Variants in AGBL5 observed in about 807,000 individuals in gnomAD.
AGBL5 encodes the protein AGBL carboxypeptidase 5.
In AGBL5, 51 loss-of-function variants were observed where a neutral mutation model predicts 88.0. The ratio of observed to expected loss-of-function variants is 0.58; its 90% CI spans 0.46 to 0.73. The LOEUF (loss-of-function observed/expected upper bound fraction) is 0.73, where lower values mean the gene tolerates loss of function less well. Among genes scored for constraint, AGBL5 ranks in the 30% least tolerant of loss-of-function variants. The probability of loss-of-function intolerance (pLI) is 0.00; values close to 1 mark genes in which losing one functional copy is unlikely to be tolerated. For synonymous variants in AGBL5, 446 were observed against 438.8 expected, an observed-to-expected ratio of 1.02 and a Z score of -0.21; for missense variants, 1,031 against 1,162.2, an observed-to-expected ratio of 0.89 and a Z score of 1.64.
chr2:27,057,323 A>G lies in AGBL5; in HGVS notation c.1556A>G (p.Tyr519Cys). ...CTTAGCTACACACTTGAATGCAACT[A>G]CAACACTGGACGCTCAGTAAACAGC... The part of the protein sequence containing the change: ...IIHSYTLECN[Y>C]NTGRSVNSIP... The change falls in exon 9 of 15, where the codon TAC becomes TGC. Residue 519 changes from tyrosine to cysteine, a missense_variant. Tyr to Cys is a radical substitution (Grantham distance 194). Transcript: ENST00000360131. 1 of 1,613,810 alleles carries G rather than the reference A, an allele frequency of 6.2e-7. No individual in the cohort carries two copies. The highest frequency in any genetic ancestry group is 8.5e-7 in the Non-Finnish European group (1 of 1,179,874).
chr2:27,067,904 C>A, intron 12 of AGBL5: 3 of 531,194 alleles, frequency 5.6e-6, no homozygotes, highest in South Asian at 4.1e-5. Context: ...AGTTGAGGAA[C>A]CTGAAGACTT....
chr2:27,055,827 C>T lies in AGBL5; in HGVS notation c.1054C>T (p.Pro352Ser). 6.2e-7 allele frequency: 1 copy of T among 1,614,180 alleles called. No individual in the cohort carries two copies. The highest frequency in any genetic ancestry group is 8.5e-7 in the Non-Finnish European group (1 of 1,180,034). Reference protein sequence around the residue: ...LNSQSSSEHQPSSCLPPDAPV... With the variant: ...LNSQSSSEHQSSSCLPPDAPV... ...CTCCCAGAGTTCCTCTGAGCACCAG[C>T]CCAGTTCCTGTCTCCCTCCTGATGC... Residue 352 changes from proline (P) to serine (S), a missense_variant, in exon 7 of 15, where the codon CCC becomes TCC. Pro to Ser is a moderately conservative substitution (Grantham distance 74). Coordinates refer to ENST00000360131, the MANE Select transcript of AGBL5 (RefSeq NM_021831.6).
chr2:27,064,939 G>A (rs71441056), intron 11 of AGBL5, among the ~76,000 whole-genome samples: 1 of 151,412 alleles, frequency 6.6e-6, no homozygotes, highest in African/African-American at 2.4e-5. Context: ...ATTTTTAGTA[G>A]AAACGGGGTT....
chr2:27,059,468 A>T, intron 11 of AGBL5, 64 bp downstream of exon 11: 1 of 1,603,360 alleles, frequency 6.2e-7, no homozygotes, highest in African/African-American at 1.3e-5. Flanking sequence ...TGGGGGAAGT[A>T]AGAGCTTGAA....
intron 11 of AGBL5, chr2:27,063,015 C>G (rs1180464045): frequency 6.6e-6 from 1 of 152,244 alleles, no homozygotes; most frequent in Non-Finnish European, 1.5e-5. Flanking sequence ...TGTCTGTGAA[C>G]TGTACATATT....
At chr2:27,067,443 A>G in intron 11 of AGBL5, 51 bp from the exon 12 acceptor site, 1 of 1,585,608 alleles carries the variant, frequency 6.3e-7, no homozygotes, top group Non-Finnish European at 8.6e-7. Flanking sequence ...AGGCTGCCTC[A>G]TAGTGCCCCA....
upstream of AGBL5, chr2:27,051,560 C>T (rs987750849): frequency 1.1e-4 from 17 of 152,320 alleles, no homozygotes; most frequent in South Asian, 4.1e-4. Flanking sequence ...CTCAGGTACC[C>T]ACTAACGTGC....
chr2:27,058,675 G>GATTT, intron 10 of AGBL5, 73 bp downstream of exon 10: 5 of 1,492,012 alleles, frequency 3.4e-6, no homozygotes, highest in Non-Finnish European at 4.6e-6. Flanking sequence ...AGTTCCAAGG[G>GATTT]ATTTATATTC....
intron 13 of AGBL5, 86 bp downstream of exon 13, chr2:27,068,830 A>G (rs1572837536): frequency 6.4e-7 from 1 of 1,566,182 alleles, no homozygotes; most frequent in East Asian, 2.3e-5. Context: ...GAAAATGCTC[A>G]GCACTGCTTT....
Position 27,052,930 on chromosome 2 carries a change from G to A in AGBL5, c.-29G>A, listed in dbSNP as rs747384000. On this transcript the variant is annotated 5_prime_UTR_variant, in exon 2 of 15. Transcript: ENST00000360131. Reference sequence around the variant, plus strand: ...TCCCCCAGCTCTCAGGGCCAGAGCGGGGCAGGAGGATGCTTTCCCAGCCCC... The same window carrying A: ...TCCCCCAGCTCTCAGGGCCAGAGCGAGGCAGGAGGATGCTTTCCCAGCCCC... 6.4e-7 allele frequency: 1 copy of A among 1,563,896 alleles called. No homozygotes were observed. Among genetic ancestry groups the A allele is most frequent in the South Asian group, 1.2e-5 (1 of 84,392 alleles).
At position 27,067,558 on chromosome 2, in the gene AGBL5, C is replaced by T. The variant is rs561408089; in HGVS notation, c.2154C>T (p.Leu718=). Residue 718 remains leucine (L), a synonymous_variant, in exon 12 of 15, where the codon CTC becomes CTT. Coordinates refer to ENST00000360131, the MANE Select transcript of AGBL5 (RefSeq NM_021831.6). ...QPLNHRPAGS[L]APSPAPTSSG... ...TGAACCATCGTCCTGCAGGCAGCCT[C>T]GCTCCATCCCCAGCTCCTACTAGTT... 3 of 1,614,148 alleles carry T rather than the reference C, an allele frequency of 1.9e-6. No individual in the cohort carries two copies. The highest frequency in any genetic ancestry group is 1.7e-6 in the Non-Finnish European group (2 of 1,180,038).
At chr2:27,066,221 G>A (rs900450504) in intron 11 of AGBL5, among the ~76,000 whole-genome samples, 4 of 127,596 alleles carry the variant, frequency 3.1e-5, no homozygotes, top group African/African-American at 1.2e-4. Flanking sequence ...GTGACAGAGT[G>A]AGACCCTGTC....
chr2:27,069,657 A>C lies in AGBL5; in HGVS notation c.2440A>C (p.Thr814Pro). The stretch of plus-strand genomic sequence containing the variant: ...AGGCCCCACATCCCCTACCCCCCGG[A>C]CCAGGGAGAGCAGTGAGCTGGAGCT... ...SSGPTSPTPR[T>P]RESSELELGS... The change falls in exon 14 of 15, where the codon ACC becomes CCC. Residue 814 changes from threonine to proline, a missense_variant. Physicochemically the swap from Thr to Pro is conservative, Grantham distance 38. This residue lies in a region of AGBL5 where 491 missense variants were observed against 484.0 expected (regional missense o/e 1.01). Transcript: ENST00000360131. The C allele has an allele frequency of 6.2e-7, 1 of 1,614,122 alleles. No individual in the cohort carries two copies.
At chr2:27,057,533 A>G (rs566784696) in intron 9 of AGBL5, 95 bp downstream of exon 9, 2 of 1,395,678 alleles carry the variant, frequency 1.4e-6, no homozygotes, top group South Asian at 2.9e-5. Context: ...CTTTGAAGAG[A>G]TATTCATCAC....
At chr2:27,068,778 G>A (rs537668205) in intron 13 of AGBL5, 34 bp downstream of exon 13, 2 of 1,611,580 alleles carry the variant, frequency 1.2e-6, no homozygotes, top group Admixed American at 1.7e-5. Flanking sequence ...TAGCTACTCT[G>A]GCAGAACCCA....
In AGBL5 at chr2:27,058,515, A is replaced by T. The variant is rs149289474; in HGVS notation, c.1787A>T (p.His596Leu). Residue 596 changes from histidine (H) to leucine (L), a missense_variant, in exon 10 of 15, where the codon CAT becomes CTT. By Grantham distance (99) the His-to-Leu change is moderately conservative (BLOSUM62 -3). This residue lies in a region of AGBL5 where 491 missense variants were observed against 484.0 expected (regional missense o/e 1.01). Coordinates refer to ENST00000360131, the MANE Select transcript of AGBL5 (RefSeq NM_021831.6). ...AATCTACGGGCCTGGATGCTGAAACATGTACGCAACAGCCGAGGCCTAAGC... is the reference window on the plus strand; with the variant it reads ...AATCTACGGGCCTGGATGCTGAAACTTGTACGCAACAGCCGAGGCCTAAGC... ...LTNLRAWMLKHVRNSRGLSST... is the reference protein window; with the variant it reads ...LTNLRAWMLKLVRNSRGLSST... 32 of 1,614,086 alleles carry T rather than the reference A, an allele frequency of 2.0e-5. No individual in the cohort carries two copies. In the African/African-American group the frequency reaches 3.5e-4, roughly 17 times the overall value.
At chr2:27,066,935 TAGCC>T (rs1446286473) in intron 11 of AGBL5, among the ~76,000 whole-genome samples, 1 of 151,690 alleles carries the variant, frequency 6.6e-6, no homozygotes, top group African/African-American at 2.4e-5. Context: ...ATACAAAAAT[TAGCC>T]AGGCATGGTG....
intron 11 of AGBL5, among the ~76,000 whole-genome samples, chr2:27,063,511 C>T (rs960089573): frequency 1.8e-4 from 27 of 151,112 alleles, no homozygotes; most frequent in African/African-American, 6.6e-4. Flanking sequence ...AGGAGAATGG[C>T]GTGAACCCAG....
chr2:27,068,911 C>T (rs1669130234), intron 13 of AGBL5, 167 bp downstream of exon 13: 3 of 1,493,726 alleles, frequency 2.0e-6, no homozygotes, highest in East Asian at 5.0e-5. Flanking sequence ...AGTCCCCTTC[C>T]TGCCCTCCAC....
Sources: gnomAD v4.1 joint callset for allele counts (sites outside exome capture counted in the v4.1 genomes callset) on GRCh38, gnomAD v4.1.1 for gene constraint, gnomAD v4.1.1 regional missense constraint, MANE v1.5 for transcripts, NCBI Gene and HGNC (gene_info 2026-07-23, HGNC 2026-07-21) for gene names.